The following ANKUB1 variants were observed in gnomAD, a reference collection of about 807,000 sequenced individuals.
The protein encoded by ANKUB1 is ankyrin repeat and ubiquitin domain containing 1.
ANKUB1 carries 42 observed loss-of-function variants against 49.3 expected under a neutral mutation model. The ratio of observed to expected loss-of-function variants is 0.85; its 90% confidence interval spans 0.67 to 1.10. ANKUB1 has a LOEUF of 1.10. Ranked by LOEUF, ANKUB1 falls within the 50% of genes least tolerant of loss-of-function variation. The pLI is 0.00. For missense variants in ANKUB1, 613 were observed against 642.0 expected (o/e 0.95, Z 0.49); for synonymous variants, 222 against 231.0 (o/e 0.96, Z 0.35).
intron 5 of ANKUB1, among the ~76,000 whole-genome samples, chr3:149,762,353 C>T (rs892482217): frequency 3.3e-5 from 5 of 152,184 alleles, no homozygotes; most frequent in Non-Finnish European, 7.3e-5. Flanking sequence ...TCTTTATCTT[C>T]TTCCTAAACT....
At chr3:149,787,171 C>T (rs535991216) in intron 2 of ANKUB1, among the ~76,000 whole-genome samples, 1 of 152,196 alleles carries the variant, frequency 6.6e-6, no homozygotes, top group Admixed American at 6.5e-5. Context: ...GGCTGTATGG[C>T]CATTTTCACA....
In ANKUB1 at chr3:149,764,494, C is replaced by A. The variant is rs568002890; in HGVS notation, c.1505+2663G>T. The stretch of plus-strand genomic sequence containing the variant: ...GAGTAACACTGCCAGAGTAAATGTG[C>A]GGTCAGACTGACCACCACTCCCCCT... On this transcript the variant is annotated intron_variant, in intron 5 of 5. Transcript: ENST00000446160. Among the ~76,000 whole-genome samples the A allele has an allele frequency of 2.0e-5, 3 of 152,144 alleles. No homozygotes were observed. The South Asian group carries it at 6.2e-4, about 32-fold the overall frequency.
intron 3 of ANKUB1, among the ~76,000 whole-genome samples, chr3:149,775,482 G>C (rs914075166): frequency 6.6e-6 from 1 of 151,990 alleles, no homozygotes; most frequent in African/African-American, 2.4e-5. Context: ...ATCAATAAAA[G>C]GAATTAAAAT....
At chr3:149,770,295 C>A (rs182027915) in intron 4 of ANKUB1, among the ~76,000 whole-genome samples, 7 of 152,050 alleles carry the variant, frequency 4.6e-5, no homozygotes, top group Non-Finnish European at 8.8e-5. Flanking sequence ...CATCCCTAAC[C>A]CCTGCATTGT....
intron 3 of ANKUB1, among the ~76,000 whole-genome samples, chr3:149,775,209 C>T (rs117958881): frequency 0.012 from 1,850 of 152,278 alleles, 22 homozygotes; most frequent in South Asian, 0.044. Context: ...CTGGATTCCT[C>T]GTTCATACCC....
chr3:149,788,119 G>T (rs1718191881), intron 2 of ANKUB1, among the ~76,000 whole-genome samples: 1 of 152,102 alleles, frequency 6.6e-6, no homozygotes, highest in Non-Finnish European at 1.5e-5. Flanking sequence ...AAGTAGGGAA[G>T]GTACTACTTA....
At chr3:149,772,838 TGGCCTGCACTTCCCTGTGCACACCA>T (rs927517472) in intron 3 of ANKUB1, among the ~76,000 whole-genome samples, 50 of 152,354 alleles carry the variant, frequency 3.3e-4, no homozygotes, top group African/African-American at 1.2e-3. Flanking sequence ...CCGAGCAGGT[TGGCCTGCACTTCCCTGTGCACACCA>T]GGCTGTTTCT....
Position 149,790,932 on chromosome 3 carries a change from A to G in ANKUB1, c.91-8T>C. The G allele has an allele frequency of 6.4e-7, 1 of 1,550,494 alleles. No individual in the cohort carries two copies. The highest frequency in any genetic ancestry group is 1.2e-5 in the South Asian group (1 of 83,758). On this transcript the variant is annotated splice_region_variant and splice_polypyrimidine_tract_variant and intron_variant, in intron 1 of 5. Coordinates refer to ENST00000446160, the MANE Select transcript of ANKUB1 (RefSeq NM_001144960.3). Reference sequence around the variant, plus strand: ...AGGAATGTGGAAATAATCCTTAAAAATCAATAGCATATTATGAAAACAGTA... The same window carrying G: ...AGGAATGTGGAAATAATCCTTAAAAGTCAATAGCATATTATGAAAACAGTA...
rs1243100088 is a variant in ANKUB1 at position 149,770,685 on chromosome 3, A to G, written c.452-11T>C. 9 of 1,508,934 alleles carry G rather than the reference A, an allele frequency of 6.0e-6. No homozygotes were observed. Among genetic ancestry groups the G allele is most frequent in the Non-Finnish European group, 7.2e-6 (8 of 1,114,648 alleles). 93.5% of individuals were successfully genotyped at this position (1,508,934 alleles called of 1,614,324 possible). A position where few individuals can be genotyped will look rare whatever the true frequency, so the allele number is the denominator to read the frequency against. On this transcript the variant is annotated splice_polypyrimidine_tract_variant and intron_variant, in intron 3 of 5. Coordinates refer to ENST00000446160, the MANE Select transcript of ANKUB1 (RefSeq NM_001144960.3). The stretch of plus-strand genomic sequence containing the variant: ...AGCGAAGTGTTGTGCCTGTGGATCA[A>G]GAGAGGTGGTTTATGGTTCCAGTCC...
chr3:149,777,204 T>A (rs1219463597), intron 3 of ANKUB1, among the ~76,000 whole-genome samples: 1 of 152,134 alleles, frequency 6.6e-6, no homozygotes, highest in Admixed American at 6.5e-5. Context: ...CCGGGTGTGG[T>A]GGCTCACGCC....
intron 1 of ANKUB1, among the ~76,000 whole-genome samples, chr3:149,791,667 A>G (rs1282233557): frequency 1.3e-5 from 2 of 152,242 alleles, no homozygotes; most frequent in Non-Finnish European, 2.9e-5. Context: ...TTTGATGATC[A>G]GAAACTAAAT....
rs77029792 is a variant in ANKUB1 at position 149,784,627 on chromosome 3, G to A, written c.235-4172C>T. Among the ~76,000 whole-genome samples, 44 of 152,224 alleles carry A rather than the reference G, an allele frequency of 2.9e-4. No homozygotes were observed. In the East Asian group the frequency reaches 5.6e-3, roughly 19 times the overall value. On this transcript the variant is annotated intron_variant, in intron 2 of 5. Coordinates refer to ENST00000446160, the MANE Select transcript of ANKUB1 (RefSeq NM_001144960.3). ...TCTAAGACTGATTCTCCAATCTTCCGAAAACTACTCAATAGCTTTTCAATA... is the reference window on the plus strand; with the variant it reads ...TCTAAGACTGATTCTCCAATCTTCCAAAAACTACTCAATAGCTTTTCAATA...
At chr3:149,779,580 A>T in intron 3 of ANKUB1, 1 of 152,436 alleles carries the variant, frequency 6.6e-6, no homozygotes, top group Non-Finnish European at 1.5e-5. Flanking sequence ...ACATTGTTAA[A>T]AAGATTATTT....
chr3:149,764,122 G>C (rs1039162767), intron 5 of ANKUB1: 1 of 434,692 alleles, frequency 2.3e-6, no homozygotes, highest in Admixed American at 2.4e-5. Flanking sequence ...TAGCCATCAA[G>C]ATAGCGTCCA....
At chr3:149,786,118 C>G (rs1015505209) in intron 2 of ANKUB1, among the ~76,000 whole-genome samples, 2 of 152,190 alleles carry the variant, frequency 1.3e-5, no homozygotes, top group Admixed American at 1.3e-4. Flanking sequence ...TCACTGCAAG[C>G]TCCACCTCCT....
At chr3:149,763,770 C>A (rs1213238069) in intron 5 of ANKUB1, among the ~76,000 whole-genome samples, 1 of 152,158 alleles carries the variant, frequency 6.6e-6, no homozygotes, top group Non-Finnish European at 1.5e-5. Context: ...CTCTATGTGA[C>A]CTTCTGGCCT....
At chr3:149,786,875 A>G (rs960125616) in intron 2 of ANKUB1, among the ~76,000 whole-genome samples, 1 of 152,176 alleles carries the variant, frequency 6.6e-6, no homozygotes, top group African/African-American at 2.4e-5. Flanking sequence ...CAAAGATCAG[A>G]TGGTTGTCAA....
At chr3:149,777,496 A>G (rs1559867053) in intron 3 of ANKUB1, among the ~76,000 whole-genome samples, 1 of 151,384 alleles carries the variant, frequency 6.6e-6, no homozygotes, top group Admixed American at 6.6e-5. Flanking sequence ...AACAACAACA[A>G]CAACAAAAAA....
intron 4 of ANKUB1, among the ~76,000 whole-genome samples, chr3:149,769,903 A>G (rs1235995835): frequency 6.6e-6 from 1 of 152,144 alleles, no homozygotes; most frequent in African/African-American, 2.4e-5. Flanking sequence ...TCACCATTTA[A>G]TGACCTTTGA....
Sources: allele counts gnomAD v4.1 joint callset (sites outside exome capture counted in the v4.1 genomes callset), GRCh38; gene constraint gnomAD v4.1.1; transcripts MANE v1.5; gene names NCBI Gene and HGNC (gene_info 2026-07-23, HGNC 2026-07-21).